Variants in HHIP observed in about 807,000 individuals in gnomAD.
HHIP encodes hedgehog-interacting protein.
HHIP carries 12 observed loss-of-function variants against 74.0 expected under a neutral mutation model. The ratio of observed to expected loss-of-function variants is 0.16; its 90% CI spans 0.10 to 0.26. The LOEUF is 0.26. HHIP is among the 10% of genes least tolerant of loss of function. The probability of loss-of-function intolerance (pLI) is 1.00; values close to 1 mark genes in which losing one functional copy is unlikely to be tolerated. For missense variants in HHIP, 788 were observed against 845.0 expected (o/e 0.93, Z 0.84); for synonymous variants, 309 against 311.6 (o/e 0.99, Z 0.09).
chr4:144,708,352 G>A, intron 7 of HHIP, 41 bp downstream of exon 7: 1 of 1,610,102 alleles, frequency 6.2e-7, no homozygotes, highest in South Asian at 1.1e-5. Flanking sequence ...TTTTAAGCCA[G>A]GCGGGGATCC....
At chr4:144,695,222 G>GAAT (rs1729782713) in intron 4 of HHIP, among the ~76,000 whole-genome samples, 1 of 151,706 alleles carries the variant, frequency 6.6e-6, no homozygotes, top group Non-Finnish European at 1.5e-5. Context: ...ACTGAGAGAA[G>GAAT]AAAGAATTGA....
At chr4:144,709,812 T>A (rs1442750353) in intron 7 of HHIP, among the ~76,000 whole-genome samples, 6 of 152,090 alleles carry the variant, frequency 3.9e-5, no homozygotes, top group Admixed American at 3.3e-4. Flanking sequence ...CACAGCAAAA[T>A]TGAGAAAAAG....
At chr4:144,670,416 A>G (rs1250478333) in intron 4 of HHIP, among the ~76,000 whole-genome samples, 1 of 149,010 alleles carries the variant, frequency 6.7e-6, no homozygotes, top group Non-Finnish European at 1.5e-5. Context: ...AATCGAGATC[A>G]TGCCACTGCA....
In HHIP at chr4:144,707,205, A is replaced by G. The variant is rs1351971423; in HGVS notation, c.1102A>G (p.Ile368Val). The change falls in exon 6 of 13, where the codon ATT becomes GTT. Residue 368 changes from isoleucine to valine, a missense_variant. Transcript: ENST00000296575. Reference protein sequence around the residue: ...LFGPDGFLYIILGDGMITLDD... With the variant: ...LFGPDGFLYIVLGDGMITLDD... ...TGGCCCTGACGGCTTTTTGTACATC[A>G]TTCTTGGTGATGGGATGATTACACT... 6.2e-7 allele frequency: 1 copy of G among 1,613,914 alleles called. No homozygotes were observed. Among genetic ancestry groups the G allele is most frequent in the East Asian group, 2.2e-5 (1 of 44,890 alleles).
intron 4 of HHIP, among the ~76,000 whole-genome samples, chr4:144,685,892 G>C (rs1276166010): frequency 6.6e-6 from 1 of 152,124 alleles, no homozygotes; most frequent in East Asian, 1.9e-4. Context: ...ATTAAGCCAG[G>C]ACTTTCCAGT....
chr4:144,708,374 A>C, intron 7 of HHIP, 63 bp downstream of exon 7: 1 of 1,552,544 alleles, frequency 6.4e-7, no homozygotes, highest in Non-Finnish European at 8.9e-7. Flanking sequence ...AGAACTGGGA[A>C]AATATAGCAT....
In HHIP at chr4:144,738,169, C is replaced by A. The variant is rs201029628; in HGVS notation, c.*212C>A. 3.4e-6 allele frequency: 4 copies of A among 1,167,320 alleles called. No individual in the cohort carries two copies. The highest frequency in any genetic ancestry group is 3.2e-6 in the Non-Finnish European group (3 of 946,454). The allele number at this position is 1,167,320 out of a possible 1,614,324, so 72.3% of individuals were successfully genotyped here. A position where few individuals can be genotyped will look rare whatever the true frequency, so the allele number is the denominator to read the frequency against. ...TACACATACTCATAACCCCTATATGCGTTGTTGCATAACAGATGATTTTTT... is the reference window on the plus strand; with the variant it reads ...TACACATACTCATAACCCCTATATGAGTTGTTGCATAACAGATGATTTTTT... On this transcript the variant is annotated 3_prime_UTR_variant, in exon 13 of 13. Transcript: ENST00000296575.
intron 4 of HHIP, among the ~76,000 whole-genome samples, chr4:144,693,967 A>G (rs1215342605): frequency 6.6e-6 from 1 of 151,966 alleles, no homozygotes; most frequent in African/African-American, 2.4e-5. Context: ...TTTGTAGCTA[A>G]TGATATTTTG....
intron 1 of HHIP, among the ~76,000 whole-genome samples, chr4:144,650,256 G>A (rs1560691727): frequency 1.3e-5 from 2 of 152,022 alleles, no homozygotes; most frequent in Non-Finnish European, 2.9e-5. Context: ...TTATTTTCGT[G>A]TGGCTAAAGA....
chr4:144,699,626 T>G (rs1004395545), intron 4 of HHIP, among the ~76,000 whole-genome samples: 2 of 151,922 alleles, frequency 1.3e-5, no homozygotes, highest in African/African-American at 4.8e-5. Context: ...AAAGTCAGCT[T>G]AGTAGTATAA....
chr4:144,646,666 TG>T lies in HHIP; in HGVS notation c.-7del. On this transcript the variant is annotated 5_prime_UTR_variant, in exon 1 of 13. Transcript: ENST00000296575. ...CTCCCGCGCCCAGCCCCTGCTGCTC[TG>T]GGCAGACGATGCTGAAGATGCTCTC... 6.2e-7 allele frequency: 1 copy of T among 1,612,786 alleles called. No homozygotes were observed.
intron 2 of HHIP, among the ~76,000 whole-genome samples, chr4:144,656,233 G>T (rs545486487): frequency 2.0e-5 from 3 of 152,112 alleles, no homozygotes; most frequent in Non-Finnish European, 4.4e-5. Context: ...AAAAGCCCAT[G>T]TATTTAAGTA....
At chr4:144,670,764 G>GAAAAAAAAAAAAAAAAAA (rs1167213848) in intron 4 of HHIP, among the ~76,000 whole-genome samples, 2 of 54,888 alleles carry the variant, frequency 3.6e-5, no homozygotes, top group Non-Finnish European at 6.4e-5. Flanking sequence ...CTTAAGATTT[G>GAAAAAAAAAAAAAAAAAA]AAAAAAAAAA....
intron 2 of HHIP, among the ~76,000 whole-genome samples, chr4:144,657,228 G>C (rs1728581882): frequency 6.6e-6 from 1 of 152,148 alleles, no homozygotes; most frequent in Non-Finnish European, 1.5e-5. Context: ...TTAGGTTTGA[G>C]GGATCCTAGG....
chr4:144,708,264 C>A lies in HHIP; in HGVS notation c.1254C>A (p.Thr418=), dbSNP rs1730201806. The part of the protein sequence containing the change: ...IPRSNPHFNS[T]NQPPEVFAHG... ...GGAGCAACCCACACTTCAACAGCACCAACCAGCCCCCCGAAGTGTTTGCTC... is the reference window on the plus strand; with the variant it reads ...GGAGCAACCCACACTTCAACAGCACAAACCAGCCCCCCGAAGTGTTTGCTC... The change falls in exon 7 of 13, where the codon ACC becomes ACA. Residue 418 remains threonine, a synonymous_variant. Coordinates refer to ENST00000296575, the MANE Select transcript of HHIP (RefSeq NM_022475.3). The A allele has an allele frequency of 6.2e-7, 1 of 1,614,148 alleles. No individual in the cohort carries two copies. The highest frequency in any genetic ancestry group is 8.5e-7 in the Non-Finnish European group (1 of 1,180,004).
At chr4:144,717,925 C>A (rs770917936) in intron 10 of HHIP, among the ~76,000 whole-genome samples, 1 of 152,098 alleles carries the variant, frequency 6.6e-6, no homozygotes, top group African/African-American at 2.4e-5. Flanking sequence ...ATCAATCTTG[C>A]ACAGAAATAA....
At chr4:144,725,265 TA>T (rs1383904385) in intron 11 of HHIP, among the ~76,000 whole-genome samples, 1 of 152,212 alleles carries the variant, frequency 6.6e-6, no homozygotes, top group African/African-American at 2.4e-5. Context: ...ATCATTTTGT[TA>T]CTAATTCATT....
chr4:144,683,056 A>G (rs537078117), intron 4 of HHIP, among the ~76,000 whole-genome samples: 1 of 152,338 alleles, frequency 6.6e-6, no homozygotes, highest in South Asian at 2.1e-4. Context: ...TGGTTTTATA[A>G]TCTTGCCCAC....
intron 4 of HHIP, among the ~76,000 whole-genome samples, chr4:144,678,928 G>A (rs138169526): frequency 0.026 from 4,011 of 152,132 alleles, 77 homozygotes; most frequent in South Asian, 0.037. Context: ...TGGTATTTCC[G>A]GTTCTAGATC....
Sources: gnomAD v4.1 joint callset for allele counts (sites outside exome capture counted in the v4.1 genomes callset) on GRCh38, gnomAD v4.1.1 for gene constraint, MANE v1.5 for transcripts, NCBI Gene and HGNC (gene_info 2026-07-23, HGNC 2026-07-21) for gene names.